Variants in TAFA2 observed in about 807,000 individuals in gnomAD.
TAFA2 encodes TAFA chemokine like family member 2.
TAFA2 carries 7 observed loss-of-function variants against 18.8 expected under a neutral mutation model. That is an observed-to-expected ratio of 0.37 (90% confidence interval 0.21 to 0.70). The LOEUF (loss-of-function observed/expected upper bound fraction) is 0.70, where lower values mean the gene tolerates loss of function less well. Ranked by LOEUF, TAFA2 falls within the 30% of genes least tolerant of loss-of-function variation. The probability of loss-of-function intolerance (pLI) is 0.53; values close to 1 mark genes in which losing one functional copy is unlikely to be tolerated. For missense variants in TAFA2, 122 were observed against 158.1 expected, an observed-to-expected ratio of 0.77 and a Z score of 1.23; for synonymous variants, 60 against 54.2, an observed-to-expected ratio of 1.11 and a Z score of -0.47.
chr12:61,966,121 C>A (rs956254978), intron 1 of TAFA2, among the ~76,000 whole-genome samples: 3 of 151,874 alleles, frequency 2.0e-5, no homozygotes, highest in Non-Finnish European at 4.4e-5. Context: ...ACTTTCCCAT[C>A]TACAGAGTAC....
At position 62,201,542 on chromosome 12, in the gene TAFA2, A is replaced by G. The variant is rs553446380; in HGVS notation, c.-130+57221T>C. ...TCTGTTTATGTGATGAATTATGTTT[A>G]TTGATTTGCATATGTTGAACCAGCC... On this transcript the variant is annotated intron_variant, in intron 1 of 5. Coordinates refer to the TAFA2 transcript ENST00000551619. 9.2e-5 allele frequency among the ~76,000 whole-genome samples: 14 copies of G among 152,344 alleles called. No homozygotes were observed. In the South Asian group the frequency reaches 2.9e-3, roughly 32 times the overall value.
At chr12:61,876,121 TGCAAATAATAAG>T (rs1874834945) in intron 1 of TAFA2, among the ~76,000 whole-genome samples, 1 of 152,136 alleles carries the variant, frequency 6.6e-6, no homozygotes, top group African/African-American at 2.4e-5. Context: ...ACTTTTATAA[TGCAAATAATAAG>T]GCTTTTATCA....
At chr12:61,953,870 C>G (rs996570704) in intron 1 of TAFA2, among the ~76,000 whole-genome samples, 2 of 152,180 alleles carry the variant, frequency 1.3e-5, no homozygotes, top group Non-Finnish European at 2.9e-5. Context: ...GCGGTGTAGT[C>G]ACCGCACTAC....
At chr12:61,899,434 C>A (rs1279369320) in intron 1 of TAFA2, among the ~76,000 whole-genome samples, 1 of 152,164 alleles carries the variant, frequency 6.6e-6, no homozygotes, top group Non-Finnish European at 1.5e-5. Flanking sequence ...GCTGAGGAGG[C>A]CTCAGGAAAC....
chr12:62,021,898 C>A, intron 1 of TAFA2: 1 of 751,236 alleles, frequency 1.3e-6, no homozygotes, highest in Non-Finnish European at 2.5e-6. Flanking sequence ...CATGACCTCA[C>A]AGCCTTTGGC....
intron 1 of TAFA2, among the ~76,000 whole-genome samples, chr12:62,006,198 C>A (rs1409286789): frequency 6.6e-6 from 1 of 152,118 alleles, no homozygotes; most frequent in Non-Finnish European, 1.5e-5. Context: ...GTAAACCAAG[C>A]ACATGAGATT....
At chr12:62,097,959 T>A (rs1017483004) in intron 1 of TAFA2, among the ~76,000 whole-genome samples, 9 of 152,108 alleles carry the variant, frequency 5.9e-5, no homozygotes, top group African/African-American at 2.2e-4. Flanking sequence ...AAAACTAAAG[T>A]CTACATTCCA....
At chr12:61,817,660 A>C (rs1176316705) in intron 2 of TAFA2, among the ~76,000 whole-genome samples, 1 of 152,186 alleles carries the variant, frequency 6.6e-6, no homozygotes, top group Non-Finnish European at 1.5e-5. Flanking sequence ...GACAGATGCC[A>C]TATCTCTTCC....
rs895248543 is a variant in TAFA2, at chr12:62,010,674, C to T, written c.-1-143248G>A. ...CGCCCTTACTCTGGGAGGTGGGGAG[C>T]GCCTCTGCCCAGCTGCCCCGTCTGG... On this transcript the variant is annotated intron_variant, in intron 1 of 4. Transcript: ENST00000416284. 4.2e-4 allele frequency among the ~76,000 whole-genome samples: 64 copies of T among 151,192 alleles called. 1 individual carries two copies. Among genetic ancestry groups the T allele is most frequent in the Non-Finnish European group, 7.2e-4 (49 of 67,766 alleles).
rs368965633 is a variant in TAFA2, at chr12:62,058,133, C to A, written c.-2+133126G>T. ...ATATTATTCCACTGTCTCCTGGTTTCCATTCTTGCTATTGAGAAGTCAACT... is the reference window on the plus strand; with the variant it reads ...ATATTATTCCACTGTCTCCTGGTTTACATTCTTGCTATTGAGAAGTCAACT... On this transcript the variant is annotated intron_variant, in intron 1 of 4. Coordinates refer to ENST00000416284, the MANE Select transcript of TAFA2 (RefSeq NM_178539.5). Among the ~76,000 whole-genome samples, 15 of 152,284 alleles carry A rather than the reference C, an allele frequency of 9.9e-5. No individual in the cohort carries two copies. The East Asian group carries it at 1.5e-3, about 16-fold the overall frequency.
intron 1 of TAFA2, among the ~76,000 whole-genome samples, chr12:62,163,667 T>A (rs1050093780): frequency 6.6e-6 from 1 of 152,126 alleles, no homozygotes; most frequent in Admixed American, 6.6e-5. Flanking sequence ...GCCCACAGAA[T>A]GTCCTCTTTC....
intron 2 of TAFA2, among the ~76,000 whole-genome samples, chr12:61,824,768 A>G (rs1872472038): frequency 6.6e-6 from 1 of 152,190 alleles, no homozygotes; most frequent in African/African-American, 2.4e-5. Flanking sequence ...AAAACTGCAG[A>G]AAGTGCTCTG....
chr12:62,081,305 T>C lies in TAFA2; in HGVS notation c.-2+109954A>G, dbSNP rs1868319277. 2.0e-5 allele frequency among the ~76,000 whole-genome samples: 3 copies of C among 152,198 alleles called. No individual in the cohort carries two copies. In the South Asian group the frequency reaches 6.2e-4, roughly 32 times the overall value. ...GTTACTTTCATAATTATTGTCACAT[T>C]CGTTATTTAAAAAACTATATAAAAT... On this transcript the variant is annotated intron_variant, in intron 1 of 4. Coordinates refer to ENST00000416284, the MANE Select transcript of TAFA2 (RefSeq NM_178539.5).
intron 1 of TAFA2, among the ~76,000 whole-genome samples, chr12:62,134,679 G>A (rs769749128): frequency 6.6e-6 from 1 of 152,016 alleles, no homozygotes; most frequent in South Asian, 2.1e-4. Flanking sequence ...CACTAGAAAG[G>A]AAAATCCATG....
intron 2 of TAFA2, among the ~76,000 whole-genome samples, chr12:61,825,531 C>T (rs573408078): frequency 1.4e-4 from 21 of 151,938 alleles, no homozygotes; most frequent in Non-Finnish European, 2.5e-4. Flanking sequence ...ATAAGGAAAC[C>T]GCTAAAACTG....
intron 1 of TAFA2, among the ~76,000 whole-genome samples, chr12:62,156,663 G>T (rs2062371606): frequency 6.6e-6 from 1 of 152,180 alleles, no homozygotes; most frequent in Admixed American, 6.5e-5. Flanking sequence ...CGACCTGGAT[G>T]AGATTGGAGA....
Position 62,140,719 on chromosome 12 carries a change from GC to G in TAFA2, c.-2+50539del, listed in dbSNP as rs1476190505. Among the ~76,000 whole-genome samples, 5 of 152,164 alleles carry G rather than the reference GC, an allele frequency of 3.3e-5. No homozygotes were observed. In the East Asian group the frequency reaches 9.7e-4, roughly 29 times the overall value. On this transcript the variant is annotated intron_variant, in intron 1 of 4. Coordinates refer to ENST00000416284, the MANE Select transcript of TAFA2 (RefSeq NM_178539.5). ...CACTCTAGCCACAAGTTTTCAGCCAGCCTAGGGTGGTGCCCAGTTCATACTA... is the reference window on the plus strand; with the variant it reads ...CACTCTAGCCACAAGTTTTCAGCCAGCTAGGGTGGTGCCCAGTTCATACTA...
chr12:61,749,042 G>A (rs1379063520), intron 4 of TAFA2, among the ~76,000 whole-genome samples: 1 of 151,466 alleles, frequency 6.6e-6, no homozygotes. Context: ...AAGGTGGGCG[G>A]ATCACTTGAG....
intron 1 of TAFA2, among the ~76,000 whole-genome samples, chr12:61,900,784 A>G (rs1876064466): frequency 1.3e-5 from 2 of 152,168 alleles, no homozygotes; most frequent in Admixed American, 1.3e-4. Context: ...GTATAAAATG[A>G]TATCCATTTT....
Sources: gnomAD v4.1 joint callset for allele counts (sites outside exome capture counted in the v4.1 genomes callset) on GRCh38, gnomAD v4.1.1 for gene constraint, MANE v1.5 for transcripts, NCBI Gene and HGNC (gene_info 2026-07-23, HGNC 2026-07-21) for gene names.